Variants in COL5A2 observed in about 807,000 individuals in gnomAD.
COL5A2 encodes collagen alpha-2(V) chain.
COL5A2 carries 23 observed loss-of-function variants against 208.2 expected under a neutral mutation model. The ratio of observed to expected loss-of-function variants is 0.11; its 90% confidence interval spans 0.08 to 0.16. The LOEUF is 0.16. Among genes scored for constraint, COL5A2 ranks in the 10% least tolerant of loss-of-function variants. The pLI is 1.00. For missense variants in COL5A2, 1,590 were observed against 1,956.4 expected, an observed-to-expected ratio of 0.81 and a Z score of 3.53; for synonymous variants, 625 against 628.5, an observed-to-expected ratio of 0.99 and a Z score of 0.08.
chr2:189,396,971 A>T, the COL5A2 span, among the ~76,000 whole-genome samples: 1 of 143,592 alleles, frequency 7.0e-6, no homozygotes, highest in African/African-American at 2.6e-5. Context: ...AGCCTGGGCG[A>T]CAGAGCAAGA....
At chr2:189,215,094 G>A (rs1689262498) in intron 1 of COL5A2, among the ~76,000 whole-genome samples, 1 of 152,028 alleles carries the variant, frequency 6.6e-6, no homozygotes, top group South Asian at 2.1e-4. Context: ...TCTGAACCTA[G>A]GTCTTCTGAT....
intron 1 of COL5A2, among the ~76,000 whole-genome samples, chr2:189,166,078 C>T (rs1384802625): frequency 6.6e-6 from 1 of 152,046 alleles, no homozygotes; most frequent in African/African-American, 2.4e-5. Context: ...AATAAATCCC[C>T]CAAGACATCA....
chr2:189,038,821 C>T (rs1297035961), intron 51 of COL5A2, among the ~76,000 whole-genome samples: 1 of 152,130 alleles, frequency 6.6e-6, no homozygotes, highest in African/African-American at 2.4e-5. Flanking sequence ...TCCCGAGTAG[C>T]TGGAACTACA....
At chr2:189,040,228 T>C (rs1377924598) in intron 50 of COL5A2, among the ~76,000 whole-genome samples, 1 of 151,960 alleles carries the variant, frequency 6.6e-6, no homozygotes, top group East Asian at 1.9e-4. Flanking sequence ...GCTCAAGCAA[T>C]CCTCCCACCT....
At chr2:189,111,836 C>T (rs192229861) in intron 1 of COL5A2, among the ~76,000 whole-genome samples, 31 of 151,504 alleles carry the variant, frequency 2.0e-4, no homozygotes, top group Admixed American at 7.9e-4. Flanking sequence ...AAGGACTAGG[C>T]GTCTTGTTCA....
chr2:189,236,539 T>C, the COL5A2 span, among the ~76,000 whole-genome samples: 3 of 151,854 alleles, frequency 2.0e-5, no homozygotes, highest in Non-Finnish European at 4.4e-5. Context: ...CTTGACATTG[T>C]CATTTTAGCC....
At position 189,220,105 on chromosome 2, in the gene COL5A2, A is replaced by G. The variant is rs570824328; in HGVS notation, c.-42+5043T>C. ...GTCACTAGCTGCAGCTGCCACAAGAAGGACATGACCTCAGGTGAAGAGACA... is the reference window on the plus strand; with the variant it reads ...GTCACTAGCTGCAGCTGCCACAAGAGGGACATGACCTCAGGTGAAGAGACA... On this transcript the variant is annotated intron_variant, in intron 1 of 10. Coordinates refer to the COL5A2 transcript ENST00000649966. Among the ~76,000 whole-genome samples, 3 of 152,228 alleles carry G rather than the reference A, an allele frequency of 2.0e-5. No individual in the cohort carries two copies. The East Asian group carries it at 5.8e-4, about 29-fold the overall frequency.
chr2:189,175,405 T>C (rs1196036495), intron 1 of COL5A2, among the ~76,000 whole-genome samples: 1 of 151,260 alleles, frequency 6.6e-6, no homozygotes, highest in East Asian at 1.9e-4. Flanking sequence ...ACCATAAAAA[T>C]AAATTTAAAA....
At chr2:189,395,425 AC>A in the COL5A2 span, among the ~76,000 whole-genome samples, 1 of 152,222 alleles carries the variant, frequency 6.6e-6, no homozygotes, top group East Asian at 1.9e-4. Flanking sequence ...GAAATTCATA[AC>A]AAAAAATACA....
Position 189,175,234 on chromosome 2 carries a change from T to A in COL5A2, c.97+4274A>T, listed in dbSNP as rs141632813. Among the ~76,000 whole-genome samples, 1,123 of 152,248 alleles carry A rather than the reference T, an allele frequency of 7.4e-3. 19 individuals carry two copies. The highest frequency in any genetic ancestry group is 0.024 in the African/African-American group (992 of 41,530). ...TTGAAGTTTTGTGTGACCATATGAC[T>A]AAATTCCGGCCAACTGTAAGTAAGT... is the stretch of plus-strand genomic sequence containing the variant. On this transcript the variant is annotated intron_variant, in intron 1 of 53. Coordinates refer to ENST00000374866, the MANE Select transcript of COL5A2 (RefSeq NM_000393.5).
chr2:189,348,910 G>GT, the COL5A2 span, among the ~76,000 whole-genome samples: 489 of 152,238 alleles, frequency 3.2e-3, 3 homozygotes, highest in Middle Eastern at 0.048. Flanking sequence ...AGTGCCTACT[G>GT]TATTTTAGCT....
chr2:189,204,213 A>C (rs1034789027), intron 1 of COL5A2, among the ~76,000 whole-genome samples: 1 of 152,202 alleles, frequency 6.6e-6, no homozygotes, highest in Admixed American at 6.5e-5. Context: ...AAGCATTTTC[A>C]CATAAAGCTC....
the COL5A2 span, among the ~76,000 whole-genome samples, chr2:189,260,763 AAATT>A: frequency 6.6e-6 from 1 of 152,226 alleles, no homozygotes. Context: ...TGTAAAAGGG[AAATT>A]ACATTACAGT....
chr2:189,221,072 A>T (rs1404982784), intron 1 of COL5A2, among the ~76,000 whole-genome samples: 2 of 152,222 alleles, frequency 1.3e-5, no homozygotes, highest in African/African-American at 4.8e-5. Flanking sequence ...GCTATTAAAA[A>T]TCTTTCTAGA....
At chr2:189,385,869 A>G in the COL5A2 span, among the ~76,000 whole-genome samples, 278 of 152,300 alleles carry the variant, frequency 1.8e-3, no homozygotes, top group Admixed American at 3.9e-3. Context: ...ATCTGTTCTC[A>G]TGATGCTAAT....
the COL5A2 span, among the ~76,000 whole-genome samples, chr2:189,387,898 A>G: frequency 2.6e-5 from 4 of 152,064 alleles, no homozygotes; most frequent in African/African-American, 9.7e-5. Context: ...CAGCCTCCCA[A>G]CTCAGCCTCC....
chr2:189,309,604 C>A, the COL5A2 span, among the ~76,000 whole-genome samples: 4 of 152,116 alleles, frequency 2.6e-5, no homozygotes, highest in African/African-American at 4.8e-5. Flanking sequence ...ATTTTACTTC[C>A]TTTTGTTCCT....
chr2:189,064,079 G>A, intron 25 of COL5A2, 46 bp from the exon 26 acceptor site: 1 of 1,481,794 alleles, frequency 6.7e-7, no homozygotes. Flanking sequence ...ATATGCAGTT[G>A]AAGTAAAGAT....
At chr2:189,067,892 C>T in intron 21 of COL5A2, 123 bp downstream of exon 21, 2 of 820,640 alleles carry the variant, frequency 2.4e-6, no homozygotes, top group Non-Finnish European at 4.2e-6. Context: ...CAAAGACTCC[C>T]ATCTTCCCAC....
Sources: allele counts gnomAD v4.1 joint callset (sites outside exome capture counted in the v4.1 genomes callset), GRCh38; gene constraint gnomAD v4.1.1; transcripts MANE v1.5; gene names NCBI Gene and HGNC (gene_info 2026-07-23, HGNC 2026-07-21).